Variants in ELAPOR2 observed in about 807,000 individuals in gnomAD.
The protein encoded by ELAPOR2 is endosome/lysosome-associated apoptosis and autophagy regulator family member 2.
In ELAPOR2, 89 loss-of-function variants were observed where a neutral mutation model predicts 120.7. The ratio of observed to expected loss-of-function variants is 0.74; its 90% CI spans 0.62 to 0.88. The LOEUF is 0.88. Ranked by LOEUF, ELAPOR2 falls within the 40% of genes least tolerant of loss-of-function variation. ELAPOR2 has a pLI of 0.00. For synonymous variants in ELAPOR2, 444 were observed against 444.9 expected (o/e 1.00, Z 0.03); for missense variants, 1,134 against 1,251.6 (o/e 0.91, Z 1.42).
rs1788499822 is a variant in ELAPOR2, at chr7:86,897,581, C to T, written c.2610G>A (p.Glu870=). Residue 870 remains glutamate (E), a synonymous_variant, in exon 19 of 22, where the codon GAG becomes GAA. Transcript: ENST00000450689. ...TACACAGAGGGCAAGCTTCAGCACT[C>T]TCCCACAGGAAATAGAACGTACACC... The part of the protein sequence containing the change: ...CDGCTFYFLW[E]SAEACPLCTE... 1 of 1,613,284 alleles carries T rather than the reference C, an allele frequency of 6.2e-7. No individual in the cohort carries two copies. Among genetic ancestry groups the T allele is most frequent in the Admixed American group, 1.7e-5 (1 of 59,930 alleles).
At chr7:86,977,488 A>G (rs1401861837) in intron 1 of ELAPOR2, among the ~76,000 whole-genome samples, 1 of 152,158 alleles carries the variant, frequency 6.6e-6, no homozygotes, top group Non-Finnish European at 1.5e-5. Flanking sequence ...GTATCTCTCA[A>G]TATCATGTCT....
At chr7:86,993,003 C>A in intron 1 of ELAPOR2, among the ~76,000 whole-genome samples, 1 of 151,862 alleles carries the variant, frequency 6.6e-6, no homozygotes, top group South Asian at 2.1e-4. Flanking sequence ...TTTGGGAGGC[C>A]GAGGCGGGTG....
At chr7:86,887,064 C>G (rs1799725763) in intron 21 of ELAPOR2, among the ~76,000 whole-genome samples, 2 of 152,148 alleles carry the variant, frequency 1.3e-5, no homozygotes, top group Admixed American at 1.3e-4. Context: ...TTGCCAATGG[C>G]TGGCTGTTTT....
chr7:86,955,556 A>G (rs1476601132), intron 2 of ELAPOR2, among the ~76,000 whole-genome samples: 1 of 152,168 alleles, frequency 6.6e-6, no homozygotes, highest in Non-Finnish European at 1.5e-5. Flanking sequence ...CAATATTCCT[A>G]TCAGAAGAGA....
chr7:87,052,156 C>G (rs913300480), intron 1 of ELAPOR2, among the ~76,000 whole-genome samples: 1 of 152,128 alleles, frequency 6.6e-6, no homozygotes, highest in African/African-American at 2.4e-5. Context: ...ATTCCTGTGT[C>G]GGTCCATTTT....
At chr7:86,970,556 C>T (rs1014875817) in intron 1 of ELAPOR2, among the ~76,000 whole-genome samples, 7 of 152,208 alleles carry the variant, frequency 4.6e-5, no homozygotes, top group Non-Finnish European at 1.5e-5. Flanking sequence ...ATTGCAGTGG[C>T]ACAATTATTT....
At chr7:86,947,994 G>T (rs1185441326) in intron 2 of ELAPOR2, 72 bp from the exon 3 acceptor site, 1 of 1,048,052 alleles carries the variant, frequency 9.5e-7, no homozygotes, top group South Asian at 1.6e-5. Context: ...GCTGTCACCA[G>T]AATTATTTTT....
Position 87,040,984 on chromosome 7 carries a change from G to C in ELAPOR2, c.189+18341C>G, listed in dbSNP as rs575563794. Among the ~76,000 whole-genome samples the C allele has an allele frequency of 3.0e-3, 446 of 150,966 alleles. 2 individuals carry two copies. The highest frequency in any genetic ancestry group is 0.011 in the African/African-American group (430 of 40,290). ...GAAGAATGGAGAAGCCTCAGGAGCC[G>C]ATGCGATCAACTGGAAGAAAGGGTA... is the stretch of plus-strand genomic sequence containing the variant. On this transcript the variant is annotated intron_variant, in intron 1 of 21. Coordinates refer to ENST00000450689, the MANE Select transcript of ELAPOR2 (RefSeq NM_001142749.3).
At chr7:86,958,415 T>G (rs1309972871) in intron 2 of ELAPOR2, among the ~76,000 whole-genome samples, 1 of 152,244 alleles carries the variant, frequency 6.6e-6, no homozygotes, top group East Asian at 1.9e-4. Flanking sequence ...TTATTACTGT[T>G]GCTATATTAT....
At chr7:87,035,266 A>G (rs537051208) in intron 1 of ELAPOR2, among the ~76,000 whole-genome samples, 20 of 152,294 alleles carry the variant, frequency 1.3e-4, no homozygotes, top group Admixed American at 1.3e-3. Context: ...GCTCCTACAC[A>G]TGGAACCTAG....
chr7:86,893,126 TAGAAG>T (rs1562901336), intron 19 of ELAPOR2, 26 bp from the exon 20 acceptor site: 1 of 1,483,224 alleles, frequency 6.7e-7, no homozygotes, highest in East Asian at 2.6e-5. Context: ...CATAAAACCA[TAGAAG>T]ACATGAGAAA....
At chr7:87,050,344 T>C (rs1584046204) in intron 1 of ELAPOR2, among the ~76,000 whole-genome samples, 2 of 152,150 alleles carry the variant, frequency 1.3e-5, no homozygotes, top group African/African-American at 4.8e-5. Context: ...CATGGCTTGG[T>C]GCTATCTTTG....
At chr7:86,982,199 T>G (rs557557527) in intron 1 of ELAPOR2, among the ~76,000 whole-genome samples, 1 of 152,382 alleles carries the variant, frequency 6.6e-6, no homozygotes, top group South Asian at 2.1e-4. Flanking sequence ...CAGCAAGGCC[T>G]GTTGCCTCTG....
intron 1 of ELAPOR2, among the ~76,000 whole-genome samples, chr7:86,983,641 G>T (rs1792597051): frequency 6.6e-6 from 1 of 152,192 alleles, no homozygotes. Flanking sequence ...AATGCTGAGA[G>T]ATTTTGTCAC....
At chr7:86,949,506 T>C (rs1791147098) in intron 2 of ELAPOR2, among the ~76,000 whole-genome samples, 1 of 152,068 alleles carries the variant, frequency 6.6e-6, no homozygotes, top group African/African-American at 2.4e-5. Flanking sequence ...TTCCCTGTGC[T>C]CTTGGGGGCC....
intron 17 of ELAPOR2, 84 bp downstream of exon 17, chr7:86,908,363 T>C: frequency 2.8e-6 from 2 of 713,118 alleles, no homozygotes; most frequent in South Asian, 3.5e-5. Flanking sequence ...TACCCATAAT[T>C]ATAAATATAT....
chr7:86,882,167 A>AT (rs1799445283), intron 21 of ELAPOR2, among the ~76,000 whole-genome samples: 1 of 152,138 alleles, frequency 6.6e-6, no homozygotes, highest in South Asian at 2.1e-4. Context: ...AGCCTTAACA[A>AT]TTTTTTAGAA....
chr7:86,911,722 A>G (rs2116079853), intron 15 of ELAPOR2: 1 of 473,702 alleles, frequency 2.1e-6, no homozygotes, highest in Non-Finnish European at 4.2e-6. Context: ...GACAACATAA[A>G]CAACAGTAAA....
At chr7:86,895,918 G>C (rs1436021502) in intron 19 of ELAPOR2, among the ~76,000 whole-genome samples, 2 of 152,064 alleles carry the variant, frequency 1.3e-5, no homozygotes, top group Admixed American at 6.6e-5. Context: ...TTGTGAAGTA[G>C]AAAAAGCATT....
Sources: allele counts gnomAD v4.1 joint callset (sites outside exome capture counted in the v4.1 genomes callset), GRCh38; gene constraint gnomAD v4.1.1; transcripts MANE v1.5; gene names NCBI Gene and HGNC (gene_info 2026-07-23, HGNC 2026-07-21).